The following KDM5C variants were observed in gnomAD, a reference collection of about 807,000 sequenced individuals.
KDM5C encodes lysine-specific demethylase 5C.
A neutral mutation model predicts 110.6 loss-of-function variants in KDM5C; 16 were observed. That is an observed-to-expected ratio of 0.14 (90% CI 0.10 to 0.22). The LOEUF is 0.22. Ranked by LOEUF, KDM5C falls within the 10% of genes least tolerant of loss-of-function variation. The pLI is 1.00. For synonymous variants in KDM5C, 511 were observed against 520.4 expected, an observed-to-expected ratio of 0.98 and a Z score of 0.24; for missense variants, 681 against 1,300.9, an observed-to-expected ratio of 0.52 and a Z score of 7.33.
intron 24 of KDM5C, 31 bp downstream of exon 24, chrX:53,193,742 A>G (rs1556833191): frequency 8.4e-7 from 1 of 1,187,538 alleles, no homozygotes; most frequent in African/African-American, 1.8e-5. Flanking sequence ...ATGTGCAGTC[A>G]ACAGCCTACC....
chrX:53,195,503 G>T, intron 20 of KDM5C, 93 bp from the exon 21 acceptor site: 1 of 889,937 alleles, frequency 1.1e-6, no homozygotes, highest in Non-Finnish European at 1.6e-6. Flanking sequence ...GATGAACTGG[G>T]CTCAGTCTTG....
intron 2 of KDM5C, among the ~76,000 whole-genome samples, chrX:53,219,161 C>A (rs1443470991): frequency 8.9e-6 from 1 of 112,463 alleles, no homozygotes; most frequent in Non-Finnish European, 1.9e-5. Flanking sequence ...ACTGTGGACT[C>A]CTTTTTCCTT....
chrX:53,180,583 A>T (rs1419474141), intron 25 of KDM5C, among the ~76,000 whole-genome samples: 1 of 109,877 alleles, frequency 9.1e-6, no homozygotes, highest in Non-Finnish European at 1.9e-5. Context: ...TGCTCAAAGA[A>T]ATAGAGTCTC....
At chrX:53,205,268 A>G (rs782491312) in intron 12 of KDM5C, among the ~76,000 whole-genome samples, 1 of 112,198 alleles carries the variant, frequency 8.9e-6, no homozygotes, top group East Asian at 2.8e-4. Flanking sequence ...CCTTCAACCC[A>G]ATGATTCCTC....
intron 12 of KDM5C, among the ~76,000 whole-genome samples, chrX:53,206,863 CAAAAAAAAAAAAA>C (rs58880985): frequency 5.8e-4 from 13 of 22,344 alleles, no homozygotes; most frequent in East Asian, 1.9e-3. Flanking sequence ...GATTCCTTCT[CAAAAAAAAAAAAA>C]AAAAAAAAAA....
At chrX:53,190,134 G>A (rs979669334), downstream of KDM5C, among the ~76,000 whole-genome samples, 3 of 112,386 alleles carry the variant, frequency 2.7e-5, no homozygotes, top group Non-Finnish European at 5.6e-5. Context: ...GAGGGGGAGG[G>A]TGTCCCCTGA....
chrX:53,195,806 C>T, intron 20 of KDM5C, 110 bp downstream of exon 20: 6 of 862,374 alleles, frequency 7.0e-6, no homozygotes, highest in Non-Finnish European at 1.0e-5. Context: ...ATGCCCCCTT[C>T]CTCTCTCCAG....
At chrX:53,186,500 TAG>T (rs1213340518), downstream of KDM5C, among the ~76,000 whole-genome samples, 19 of 111,862 alleles carry the variant, frequency 1.7e-4, 1 homozygote, top group Non-Finnish European at 3.8e-5. Flanking sequence ...CCGAATAGAA[TAG>T]AGTTATACAA....
chrX:53,197,775 A>G lies in KDM5C; in HGVS notation c.2618T>C (p.Val873Ala). Residue 873 changes from valine (V) to alanine (A), a missense_variant, in exon 18 of 26, where the codon GTC becomes GCC. This residue lies in a region of KDM5C where 123 missense variants were observed against 169.0 expected (regional missense o/e 0.73). Coordinates refer to ENST00000375401, the MANE Select transcript of KDM5C (RefSeq NM_004187.5). ...CAGCACTCCAAGCGTCCTCACCTTG[A>G]CATCCCCAATCTGGTGCATGGCGCA... The part of the protein sequence containing the change: ...LPCAMHQIGD[V>A]KGVLEQVEAY... The G allele has an allele frequency of 3.3e-6, 4 of 1,201,069 alleles. No individual in the cohort carries two copies. The highest frequency in any genetic ancestry group is 4.5e-6 in the Non-Finnish European group (4 of 888,961).
At chrX:53,189,849 AGT>A (rs1293633747), downstream of KDM5C, among the ~76,000 whole-genome samples, 9 of 112,030 alleles carry the variant, frequency 8.0e-5, no homozygotes, top group Admixed American at 8.5e-4. Flanking sequence ...TATTAATCTT[AGT>A]GTGTTTCAGA....
In KDM5C at chrX:53,195,987, G is replaced by A. The variant is rs2146833500; in HGVS notation, c.3049C>T (p.Pro1017Ser). 2 of 1,211,349 alleles carry A rather than the reference G, an allele frequency of 1.7e-6. No homozygotes were observed. The highest frequency in any genetic ancestry group is 4.3e-5 in the Admixed American group (2 of 46,095). The change falls in exon 20 of 26, where the codon CCC (proline) becomes TCC (serine). Residue 1017 changes from proline (P) to serine (S), a missense_variant. Around this residue, in one of 14 missense-constraint regions of KDM5C, gnomAD observed 66 missense variants for 162.9 expected, o/e 0.41. Coordinates refer to ENST00000375401, the MANE Select transcript of KDM5C (RefSeq NM_004187.5). Reference protein sequence around the residue: ...REAENIPVHLPNIQALKEALA... With the variant: ...REAENIPVHLSNIQALKEALA... ...GCCTCCTTGAGAGCCTGGATGTTGG[G>A]CAGGTGAACAGGGATGTTTTCCGCT... is the stretch of plus-strand genomic sequence containing the variant.
chrX:53,218,010 TTA>T (rs782566465), intron 3 of KDM5C, 44 bp from the exon 4 acceptor site: 18 of 1,175,865 alleles, frequency 1.5e-5, no homozygotes, highest in African/African-American at 3.6e-5. Flanking sequence ...CCACGTGTAT[TTA>T]TATGTGAGGG....
At chrX:53,181,439 A>G (rs1556825939) in intron 25 of KDM5C, among the ~76,000 whole-genome samples, 2 of 110,470 alleles carry the variant, frequency 1.8e-5, no homozygotes, top group Admixed American at 9.7e-5. Context: ...TCCCCAGTCT[A>G]TGGGGCTGGT....
intron 1 of KDM5C, chrX:53,221,644 C>A (rs1463659499): frequency 1.4e-6 from 1 of 706,500 alleles, no homozygotes; most frequent in Middle Eastern, 3.6e-4. Context: ...ATAGACACTG[C>A]AGGGAAGAGC....
At position 53,194,579 on chromosome X, in the gene KDM5C, G is replaced by A; in HGVS notation, c.3598C>T (p.Leu1200=). ...CAGTCCTGACACAGGTCACACTGCA[G>A]AGCTCCCGCCCCAGCCAGCACCTGC... The part of the protein sequence containing the change: ...CGQVLAGAGA[L]QCDLCQDWFH... The change falls in exon 23 of 26, where the codon CTG becomes TTG. Residue 1200 remains leucine, a synonymous_variant. Coordinates refer to ENST00000375401, the MANE Select transcript of KDM5C (RefSeq NM_004187.5). 8.3e-7 allele frequency: 1 copy of A among 1,211,890 alleles called. No individual in the cohort carries two copies. The highest frequency in any genetic ancestry group is 1.1e-6 in the Non-Finnish European group (1 of 895,420).
chrX:53,191,864 G>A (rs1225225660), downstream of KDM5C: 1 of 174,546 alleles, frequency 5.7e-6, no homozygotes, highest in African/African-American at 2.9e-5. Flanking sequence ...AATCCCTTTG[G>A]GAGCTTGAGG....
Position 53,208,805 on chromosome X carries a change from C to CTTTT in KDM5C, c.1746+1605_1746+1608dup, listed in dbSNP as rs782216325. The stretch of plus-strand genomic sequence containing the variant: ...CAGGCATGAGCCACCACACCCGGCT[C>CTTTT]TTTTTTTTTTTTTTTTTTTTTTTTT... On this transcript the variant is annotated intron_variant, in intron 12 of 25. Transcript: ENST00000375401. Among the ~76,000 whole-genome samples, 146 of 22,172 alleles carry CTTTT rather than the reference C, an allele frequency of 6.6e-3. 41 individuals carry two copies. Among genetic ancestry groups the CTTTT allele is most frequent in the African/African-American group, 9.1e-3 (45 of 4,955 alleles). 19.3% of individuals were successfully genotyped at this position (22,172 alleles called of 115,157 possible). A position where few individuals can be genotyped will look rare whatever the true frequency, so the allele number is the denominator to read the frequency against.
At position 53,218,390 on chromosome X, in the gene KDM5C, C is replaced by T. The variant is rs370457010; in HGVS notation, c.237G>A (p.Thr79=). The change falls in exon 3 of 26, where the codon ACG becomes ACA. Residue 79 remains threonine, a synonymous_variant. Coordinates refer to ENST00000375401, the MANE Select transcript of KDM5C (RefSeq NM_004187.5). ...GGTCCAAGTAGTTCAGTTTCACTCT[C>T]GTCTGGGCCTGAAGAAGAAATGGCT... ...IQRLNELEAQ[T]RVKLNYLDQI... 3.6e-5 allele frequency: 43 copies of T among 1,209,113 alleles called. No homozygotes were observed. Among genetic ancestry groups the T allele is most frequent in the Middle Eastern group, 2.4e-4 (1 of 4,146 alleles).
chrX:53,210,597 C>T (rs782811231), intron 11 of KDM5C, 21 bp from the exon 12 acceptor site: 2 of 1,211,825 alleles, frequency 1.7e-6, no homozygotes, highest in Admixed American at 2.2e-5. Context: ...GGAAAAGGGA[C>T]ACACACAGTA....
Sources: gnomAD v4.1 joint callset for allele counts (sites outside exome capture counted in the v4.1 genomes callset) on GRCh38, gnomAD v4.1.1 for gene constraint, gnomAD v4.1.1 regional missense constraint, MANE v1.5 for transcripts, NCBI Gene and HGNC (gene_info 2026-07-23, HGNC 2026-07-21) for gene names.